Variants in CACNA1A observed in about 807,000 individuals in gnomAD.
CACNA1A encodes calcium voltage-gated channel subunit alpha1 A.
Under a neutral mutation model 262.4 loss-of-function variants are expected in CACNA1A, and 57 were observed. The ratio of observed to expected loss-of-function variants is 0.22; its 90% CI spans 0.18 to 0.27. The LOEUF (loss-of-function observed/expected upper bound fraction) is 0.27. Among genes scored for constraint, CACNA1A ranks in the 10% least tolerant of loss-of-function variants. The pLI is 1.00. For missense variants in CACNA1A, 2,526 were observed against 3,562.8 expected (o/e 0.71, Z 7.41); for synonymous variants, 1,431 against 1,419.3 (o/e 1.01, Z -0.18).
intron 3 of CACNA1A, among the ~76,000 whole-genome samples, chr19:13,415,276 A>C (rs2060200930): frequency 6.6e-6 from 1 of 151,884 alleles, no homozygotes; most frequent in African/African-American, 2.4e-5. Context: ...AACGTGCGGA[A>C]GGAAGGGAGA....
intron 1 of CACNA1A, among the ~76,000 whole-genome samples, chr19:13,493,135 T>C (rs1981101910): frequency 6.6e-6 from 1 of 152,234 alleles, no homozygotes; most frequent in Non-Finnish European, 1.5e-5. Flanking sequence ...CATCAACGAA[T>C]CTGTCGGTAG....
At chr19:13,436,417 C>G (rs937393884) in intron 3 of CACNA1A, among the ~76,000 whole-genome samples, 2 of 152,194 alleles carry the variant, frequency 1.3e-5, no homozygotes, top group African/African-American at 4.8e-5. Flanking sequence ...TTAAGTATAG[C>G]TCTTCTTCCT....
At chr19:13,288,386 T>A (rs2057455978) in intron 19 of CACNA1A, among the ~76,000 whole-genome samples, 1 of 152,058 alleles carries the variant, frequency 6.6e-6, no homozygotes, top group Admixed American at 6.6e-5. Context: ...ATTACCAGCG[T>A]GCACCACAAT....
At chr19:13,431,493 G>A (rs1054401173) in intron 3 of CACNA1A, among the ~76,000 whole-genome samples, 2 of 152,130 alleles carry the variant, frequency 1.3e-5, no homozygotes, top group African/African-American at 4.8e-5. Flanking sequence ...AGAAAATAGG[G>A]CAGGAGGAGC....
chr19:13,474,246 T>C lies in CACNA1A; in HGVS notation c.294-19034A>G, dbSNP rs149731373. Reference sequence around the variant, plus strand: ...ACCCCGACTGAATCTCTTACAACCATGAAGACAGATTTACAGTAGGGGGCA... The same window carrying C: ...ACCCCGACTGAATCTCTTACAACCACGAAGACAGATTTACAGTAGGGGGCA... On this transcript the variant is annotated intron_variant, in intron 1 of 46. Transcript: ENST00000360228. Among the ~76,000 whole-genome samples, 425 of 152,242 alleles carry C rather than the reference T, an allele frequency of 2.8e-3. 2 individuals carry two copies. The highest frequency in any genetic ancestry group is 9.7e-3 in the African/African-American group (401 of 41,534).
At chr19:13,409,602 G>A (rs1252075848) in intron 3 of CACNA1A, among the ~76,000 whole-genome samples, 4 of 152,162 alleles carry the variant, frequency 2.6e-5, no homozygotes, top group Non-Finnish European at 4.4e-5. Context: ...CTGGAGTGCA[G>A]TGGCTCGCTC....
chr19:13,216,936 C>A (rs1240635717), intron 38 of CACNA1A, among the ~76,000 whole-genome samples: 1 of 152,082 alleles, frequency 6.6e-6, no homozygotes, highest in Non-Finnish European at 1.5e-5. Flanking sequence ...AGGATAGGGT[C>A]CAGCCTGGTC....
chr19:13,468,008 T>G lies in CACNA1A; in HGVS notation c.294-12796A>C, dbSNP rs1315002333. Among the ~76,000 whole-genome samples, 3 of 152,018 alleles carry G rather than the reference T, an allele frequency of 2.0e-5. No individual in the cohort carries two copies. In the East Asian group the frequency reaches 5.8e-4, roughly 29 times the overall value. ...TGTGTGTGTATGTACCTTCTGAAAT[T>G]AAATCCATAATTTAAATGTATAAAT... On this transcript the variant is annotated intron_variant, in intron 1 of 46. Transcript: ENST00000360228.
Position 13,482,848 on chromosome 19 carries a change from TTGTGTGTGTGTGTGTGTGTGTGTG to T in CACNA1A, c.293+23060_293+23083del, listed in dbSNP as rs34754803. Among the ~76,000 whole-genome samples, 82 of 134,016 alleles carry T rather than the reference TTGTGTGTGTGTGTGTGTGTGTGTG, an allele frequency of 6.1e-4. 1 individual carries two copies. Among genetic ancestry groups the T allele is most frequent in the Non-Finnish European group, 1.6e-4 (10 of 62,096 alleles). The allele number at this position is 134,016 out of a possible 152,430, so 87.9% of individuals were successfully genotyped here. A position where few individuals can be genotyped will look rare whatever the true frequency, so the allele number is the denominator to read the frequency against. Reference sequence around the variant, plus strand: ...TCTCTCCCCCCTTCTTTCTCTCAACTTGTGTGTGTGTGTGTGTGTGTGTGTGTGTGTGTGTGTGTGTGTGTGTCT... The same window carrying T: ...TCTCTCCCCCCTTCTTTCTCTCAACTTGTGTGTGTGTGTGTGTGTGTGTCT... On this transcript the variant is annotated intron_variant, in intron 1 of 46. Coordinates refer to ENST00000360228, the MANE Select transcript of CACNA1A (RefSeq NM_001127222.2).
At chr19:13,247,017 C>T (rs2056254229) in intron 30 of CACNA1A, among the ~76,000 whole-genome samples, 1 of 152,218 alleles carries the variant, frequency 6.6e-6, no homozygotes. Flanking sequence ...CTCTGACTCC[C>T]CTCAACCGGG....
intron 36 of CACNA1A, among the ~76,000 whole-genome samples, chr19:13,228,395 C>T (rs1158529345): frequency 6.6e-6 from 1 of 151,634 alleles, no homozygotes; most frequent in Non-Finnish European, 1.5e-5. Context: ...TTACAATCCC[C>T]CAGGGGATGT....
intron 15 of CACNA1A, among the ~76,000 whole-genome samples, chr19:13,305,104 G>A (rs533975308): frequency 6.6e-6 from 1 of 152,322 alleles, no homozygotes; most frequent in African/African-American, 2.4e-5. Flanking sequence ...GAGAGGAGAA[G>A]TGAGAAAAGG....
intron 19 of CACNA1A, among the ~76,000 whole-genome samples, chr19:13,298,189 G>A (rs2057707230): frequency 7.0e-6 from 1 of 143,416 alleles, no homozygotes. Context: ...GGAGTGCGGT[G>A]GTGTGATCTC....
At chr19:13,300,381 A>G (rs1362849705) in intron 18 of CACNA1A, among the ~76,000 whole-genome samples, 169 bp downstream of exon 18, 6 of 152,078 alleles carry the variant, frequency 3.9e-5, no homozygotes, top group Non-Finnish European at 8.8e-5. Flanking sequence ...GGTACATAAC[A>G]GCTGCTAACC....
intron 31 of CACNA1A, chr19:13,243,570 T>TTTC (rs2056140157): frequency 1.3e-5 from 2 of 152,152 alleles, no homozygotes; most frequent in African/African-American, 4.8e-5. Context: ...TCTTTTTTTT[T>TTTC]TTGAGATGGA....
chr19:13,303,171 G>A (rs1172607684), intron 17 of CACNA1A, among the ~76,000 whole-genome samples: 3 of 152,032 alleles, frequency 2.0e-5, no homozygotes, highest in East Asian at 3.9e-4. Flanking sequence ...TTTTTCCTTG[G>A]CCCCAGCTCT....
chr19:13,375,769 C>T (rs942248472), intron 3 of CACNA1A, among the ~76,000 whole-genome samples: 14 of 152,008 alleles, frequency 9.2e-5, no homozygotes, highest in African/African-American at 1.5e-4. Context: ...GCCTGGGCAA[C>T]GGAGTGAGAC....
At position 13,503,801 on chromosome 19, in the gene CACNA1A, G is replaced by T. The variant is rs1982683005; in HGVS notation, c.293+2131C>A. Among the ~76,000 whole-genome samples, 6 of 152,150 alleles carry T rather than the reference G, an allele frequency of 3.9e-5. No homozygotes were observed. The South Asian group carries it at 1.2e-3, about 32-fold the overall frequency. On this transcript the variant is annotated intron_variant, in intron 1 of 46. Coordinates refer to ENST00000360228, the MANE Select transcript of CACNA1A (RefSeq NM_001127222.2). ...AGAGAACAAAAACAGTCTGCAGAGA[G>T]CATAATGCACAAACTCATCATAAGA... is the stretch of plus-strand genomic sequence containing the variant.
chr19:13,406,509 A>ATATATATATATATATATATGTATG (rs1487889235), intron 3 of CACNA1A, among the ~76,000 whole-genome samples: 3 of 109,654 alleles, frequency 2.7e-5, no homozygotes, highest in Non-Finnish European at 3.7e-5. Flanking sequence ...ATATATATAT[A>ATATATATATATATATATATGTATG]TATGAAGGGA....
Sources: gnomAD v4.1 joint callset for allele counts (sites outside exome capture counted in the v4.1 genomes callset) on GRCh38, gnomAD v4.1.1 for gene constraint, MANE v1.5 for transcripts, NCBI Gene and HGNC (gene_info 2026-07-23, HGNC 2026-07-21) for gene names.